The following AOAH variants were observed in gnomAD, a reference collection of about 807,000 sequenced individuals.
AOAH encodes acyloxyacyl hydrolase.
AOAH carries 64 observed loss-of-function variants against 92.2 expected under a neutral mutation model. That is an observed-to-expected ratio of 0.69 (90% CI 0.57 to 0.86). The LOEUF (loss-of-function observed/expected upper bound fraction) is 0.86. Among genes scored for constraint, AOAH ranks in the 40% least tolerant of loss-of-function variants. The pLI, the probability that AOAH is intolerant of heterozygous loss-of-function variation, is 0.00. For synonymous variants in AOAH, 263 were observed against 254.5 expected (o/e 1.03, Z -0.32); for missense variants, 656 against 694.6 (o/e 0.94, Z 0.62).
chr7:36,615,268 CAAT>C (rs1244425284), intron 11 of AOAH, among the ~76,000 whole-genome samples: 13 of 137,244 alleles, frequency 9.5e-5, no homozygotes, highest in Admixed American at 4.4e-4. Context: ...ACATTTGTGT[CAAT>C]AATTTAAAAA....
intron 2 of AOAH, among the ~76,000 whole-genome samples, chr7:36,684,658 C>T (rs757483230): frequency 5.3e-5 from 8 of 152,070 alleles, no homozygotes; most frequent in Middle Eastern, 3.4e-3. Context: ...TCACAACACA[C>T]CTGTCATCTC....
intron 4 of AOAH, among the ~76,000 whole-genome samples, chr7:36,655,969 A>C (rs1333103502): frequency 1.3e-5 from 2 of 152,184 alleles, no homozygotes; most frequent in African/African-American, 4.8e-5. Flanking sequence ...AAGAAGTGAC[A>C]TGTAAGCTGA....
At chr7:36,656,898 C>A (rs969174789) in intron 4 of AOAH, among the ~76,000 whole-genome samples, 30 of 148,288 alleles carry the variant, frequency 2.0e-4, no homozygotes, top group African/African-American at 7.5e-4. Context: ...GTTGGCAGTA[C>A]CAAGAAGCTT....
rs3832509 is a variant in AOAH at position 36,632,114 on chromosome 7, GAAA to G, written c.451-11_451-9del. 7 of 1,302,550 alleles carry G rather than the reference GAAA, an allele frequency of 5.4e-6. No homozygotes were observed. In the Admixed American group the frequency reaches 6.3e-5, roughly 12 times the overall value. 80.7% of individuals were successfully genotyped at this position (1,302,550 alleles called of 1,614,324 possible). A position where few individuals can be genotyped will look rare whatever the true frequency, so the allele number is the denominator to read the frequency against. On this transcript the variant is annotated splice_polypyrimidine_tract_variant and intron_variant, in intron 5 of 20. Transcript: ENST00000617537. ...ACCACTTCTAGAATATTTCTGGGGA[GAAA>G]AAAAAAAACAAAAAGAGAGTTGTTT... is the stretch of plus-strand genomic sequence containing the variant.
chr7:36,559,755 A>C (rs1390089313), intron 13 of AOAH, among the ~76,000 whole-genome samples: 2 of 151,956 alleles, frequency 1.3e-5, no homozygotes, highest in African/African-American at 4.8e-5. Context: ...CCCACTTGTC[A>C]ATTTTTGTTT....
At chr7:36,577,486 C>T (rs778234903) in intron 12 of AOAH, among the ~76,000 whole-genome samples, 1 of 152,162 alleles carries the variant, frequency 6.6e-6, no homozygotes, top group Non-Finnish European at 1.5e-5. Flanking sequence ...ATTTTCTAAA[C>T]CTTTCTGTGT....
intron 13 of AOAH, among the ~76,000 whole-genome samples, chr7:36,556,072 T>C (rs1482373490): frequency 1.3e-5 from 2 of 152,176 alleles, no homozygotes; most frequent in Non-Finnish European, 2.9e-5. Flanking sequence ...TTAATTGTGA[T>C]GTTAGGGTGT....
chr7:36,531,935 ACAGT>A (rs1018501779), intron 18 of AOAH, among the ~76,000 whole-genome samples: 2 of 152,124 alleles, frequency 1.3e-5, no homozygotes, highest in African/African-American at 4.8e-5. Flanking sequence ...GCTGAGAAAC[ACAGT>A]CAGCAGAGGA....
At position 36,610,159 on chromosome 7, in the gene AOAH, C is replaced by CAAAA. The variant is rs71553082; in HGVS notation, c.846+6217_846+6220dup. On this transcript the variant is annotated intron_variant, in intron 11 of 20. Coordinates refer to ENST00000617537, the MANE Select transcript of AOAH (RefSeq NM_001637.4). The stretch of plus-strand genomic sequence containing the variant: ...TTTTAAGGAGAATGCTCCATAATAG[C>CAAAA]AAAAAAAAAAAAAAAAAAAAAGAAT... Among the ~76,000 whole-genome samples, 485 of 49,178 alleles carry CAAAA rather than the reference C, an allele frequency of 9.9e-3. 27 individuals carry two copies. Among genetic ancestry groups the CAAAA allele is most frequent in the African/African-American group, 0.032 (388 of 11,974 alleles). The allele number at this position is 49,178 out of a possible 152,430, so 32.3% of individuals were successfully genotyped here. A position where few individuals can be genotyped will look rare whatever the true frequency, so the allele number is the denominator to read the frequency against.
intron 11 of AOAH, among the ~76,000 whole-genome samples, chr7:36,606,873 T>TAAC (rs995633745): frequency 1.2e-4 from 18 of 152,214 alleles, no homozygotes; most frequent in Non-Finnish European, 1.5e-5. Context: ...GATTTGAACC[T>TAAC]AACTACTGAG....
Position 36,520,520 on chromosome 7 carries a change from A to T in AOAH, c.1599+1519T>A, listed in dbSNP as rs547221505. On this transcript the variant is annotated intron_variant, in intron 20 of 20. Transcript: ENST00000617537. The stretch of plus-strand genomic sequence containing the variant: ...TGAGAGTTCGAGACCAGCCTGACCA[A>T]CATGGAGAAGCCCCGTCTCTACTAA... Among the ~76,000 whole-genome samples, 7 of 152,294 alleles carry T rather than the reference A, an allele frequency of 4.6e-5. No individual in the cohort carries two copies. In the South Asian group the frequency reaches 1.5e-3, roughly 32 times the overall value.
chr7:36,529,131 TC>T (rs901934303), intron 19 of AOAH, among the ~76,000 whole-genome samples: 2 of 152,022 alleles, frequency 1.3e-5, no homozygotes, highest in South Asian at 4.1e-4. Context: ...AGATATGGTA[TC>T]CCCATTTCCA....
intron 1 of AOAH, among the ~76,000 whole-genome samples, chr7:36,703,233 G>C (rs1031757890): frequency 6.6e-6 from 1 of 152,042 alleles, no homozygotes; most frequent in Admixed American, 6.6e-5. Context: ...ATCAACGTTT[G>C]CCAAACTCCT....
intron 3 of AOAH, among the ~76,000 whole-genome samples, chr7:36,673,383 C>T (rs1796042702): frequency 7.2e-6 from 1 of 139,634 alleles, no homozygotes; most frequent in Non-Finnish European, 1.5e-5. Flanking sequence ...ACTAAGAATA[C>T]AAAAATTAGC....
Position 36,513,292 on chromosome 7 carries a change from G to A in AOAH, c.1688C>T (p.Pro563Leu). The A allele has an allele frequency of 1.2e-6, 2 of 1,614,134 alleles. No individual in the cohort carries two copies. Among genetic ancestry groups the A allele is most frequent in the Non-Finnish European group, 8.5e-7 (1 of 1,180,016 alleles). ...GTCTCCAAACACCTGTTTAATCTGG[G>A]GGTTGAACGGATTCTCCTTTCCCAG... The part of the protein sequence containing the change: ...QILGKENPFN[P>L]QIKQVFGDQG... Residue 563 changes from proline (P) to leucine (L), a missense_variant, in exon 21 of 21, where the codon CCC becomes CTC. Pro to Leu is a moderately conservative substitution (Grantham distance 98). Transcript: ENST00000617537.
intron 19 of AOAH, among the ~76,000 whole-genome samples, chr7:36,525,974 G>C (rs1225575585): frequency 6.6e-6 from 1 of 152,154 alleles, no homozygotes; most frequent in Admixed American, 6.5e-5. Flanking sequence ...CAAGCTTTGC[G>C]GGGGAATAGG....
intron 4 of AOAH, among the ~76,000 whole-genome samples, chr7:36,638,834 C>T (rs1040288673): frequency 2.0e-5 from 3 of 152,204 alleles, no homozygotes; most frequent in African/African-American, 7.2e-5. Context: ...TGCCAGGATG[C>T]CCTGCTACGG....
chr7:36,532,377 C>T, intron 16 of AOAH, 33 bp from the exon 17 acceptor site: 15 of 1,608,932 alleles, frequency 9.3e-6, no homozygotes, highest in Non-Finnish European at 1.3e-5. Flanking sequence ...AGATTGCATC[C>T]ACTCGGCAAT....
intron 2 of AOAH, among the ~76,000 whole-genome samples, chr7:36,681,430 A>C (rs548997464): frequency 4.6e-5 from 7 of 152,350 alleles, no homozygotes; most frequent in Non-Finnish European, 8.8e-5. Context: ...TGAGCAACGC[A>C]TACAGTAGAC....
Sources: gnomAD v4.1 joint callset for allele counts (sites outside exome capture counted in the v4.1 genomes callset) on GRCh38, gnomAD v4.1.1 for gene constraint, MANE v1.5 for transcripts, NCBI Gene and HGNC (gene_info 2026-07-23, HGNC 2026-07-21) for gene names.